Variants in AHCYL2 observed in about 807,000 individuals in gnomAD.
The protein encoded by AHCYL2 is S-adenosylhomocysteine hydrolase-like protein 2.
In AHCYL2, 28 loss-of-function variants were observed where a neutral mutation model predicts 81.4. That is an observed-to-expected ratio of 0.34 (90% CI 0.25 to 0.47). The LOEUF (loss-of-function observed/expected upper bound fraction) is 0.47. AHCYL2 is among the 20% of genes least tolerant of loss of function. The pLI is 1.00. For synonymous variants in AHCYL2, 272 were observed against 290.2 expected, an observed-to-expected ratio of 0.94 and a Z score of 0.64; for missense variants, 551 against 785.1, an observed-to-expected ratio of 0.70 and a Z score of 3.56.
chr7:129,345,646 A>T (rs915774627), intron 1 of AHCYL2, among the ~76,000 whole-genome samples: 2 of 152,214 alleles, frequency 1.3e-5, no homozygotes, highest in African/African-American at 4.8e-5. Context: ...GAGTCACATT[A>T]TCAAGATGGA....
intron 1 of AHCYL2, among the ~76,000 whole-genome samples, chr7:129,376,374 T>A (rs1178003570): frequency 6.6e-6 from 1 of 152,242 alleles, no homozygotes; most frequent in Non-Finnish European, 1.5e-5. Flanking sequence ...AAGTGGTTAA[T>A]CTCACTCTAA....
At position 129,340,451 on chromosome 7, in the gene AHCYL2, C is replaced by T. The variant is rs1439662317; in HGVS notation, c.364-39187C>T. Among the ~76,000 whole-genome samples the T allele has an allele frequency of 4.0e-5, 6 of 150,762 alleles. No homozygotes were observed. The South Asian group carries it at 1.3e-3, about 32-fold the overall frequency. ...GGCGTGGTGGCAGTTGCCTATAGTC[C>T]CAGCTACTCCGGAGGCTGAGGCAGG... On this transcript the variant is annotated intron_variant, in intron 1 of 16. Transcript: ENST00000325006.
chr7:129,326,404 A>G (rs931042262), intron 1 of AHCYL2, among the ~76,000 whole-genome samples: 3 of 151,966 alleles, frequency 2.0e-5, no homozygotes, highest in Non-Finnish European at 2.9e-5. Context: ...GCAGGCGCCT[A>G]TAATCCCAGC....
rs1480363574 is a variant in AHCYL2 at position 129,424,934 on chromosome 7, A to G, written c.1621A>G (p.Thr541Ala). 1 of 1,613,922 alleles carries G rather than the reference A, an allele frequency of 6.2e-7. No individual in the cohort carries two copies. The highest frequency in any genetic ancestry group is 1.1e-5 in the South Asian group (1 of 91,060). The change falls in exon 14 of 17, where the codon ACT becomes GCT. Residue 541 changes from threonine (T) to alanine (A), a missense_variant. Physicochemically the swap from Thr to Ala is moderately conservative, Grantham distance 58. Coordinates refer to ENST00000325006, the MANE Select transcript of AHCYL2 (RefSeq NM_015328.4). ...VPTFVLSITA[T>A]TQALALIELY... is the part of the protein sequence containing the mutation. ...TACATTTGTGCTCTCAATCACTGCT[A>G]CTACTCAGGTAAGGCTTCCAGAGTG...
chr7:129,226,344 C>G (rs1330512035), intron 1 of AHCYL2, among the ~76,000 whole-genome samples: 2 of 152,198 alleles, frequency 1.3e-5, no homozygotes, highest in East Asian at 3.8e-4. Context: ...GTCTGTCTCT[C>G]TCAAAGCTTG....
intron 1 of AHCYL2, among the ~76,000 whole-genome samples, chr7:129,306,000 C>A (rs1797428432): frequency 6.6e-6 from 1 of 152,144 alleles, no homozygotes; most frequent in South Asian, 2.1e-4. Context: ...TTTCTTTTCT[C>A]TTCCTGCTTT....
At chr7:129,370,883 T>C (rs934931565) in intron 1 of AHCYL2, among the ~76,000 whole-genome samples, 1 of 152,216 alleles carries the variant, frequency 6.6e-6, no homozygotes, top group African/African-American at 2.4e-5. Flanking sequence ...AATAACACGA[T>C]TGTCTCATTT....
At chr7:129,303,623 G>C (rs1360875691) in intron 1 of AHCYL2, among the ~76,000 whole-genome samples, 1 of 151,844 alleles carries the variant, frequency 6.6e-6, no homozygotes, top group Non-Finnish European at 1.5e-5. Flanking sequence ...TTGATATTTT[G>C]TATTGTTTTC....
chr7:129,281,142 C>A (rs569196815), intron 1 of AHCYL2, among the ~76,000 whole-genome samples: 1 of 152,146 alleles, frequency 6.6e-6, no homozygotes, highest in South Asian at 2.1e-4. Flanking sequence ...GGATTACAGG[C>A]ATGAGCCACC....
intron 1 of AHCYL2, among the ~76,000 whole-genome samples, chr7:129,344,670 C>T (rs145832513): frequency 9.2e-5 from 14 of 151,990 alleles, no homozygotes; most frequent in African/African-American, 3.1e-4. Context: ...AAGCAGGTGG[C>T]AGTATGTATA....
At chr7:129,281,114 T>C (rs980799733) in intron 1 of AHCYL2, among the ~76,000 whole-genome samples, 2 of 152,140 alleles carry the variant, frequency 1.3e-5, no homozygotes, top group East Asian at 3.9e-4. Flanking sequence ...CTGCCCACCT[T>C]GGCCTCCCAA....
At chr7:129,418,444 C>T (rs565870239) in intron 12 of AHCYL2, among the ~76,000 whole-genome samples, 5 of 152,152 alleles carry the variant, frequency 3.3e-5, no homozygotes, top group African/African-American at 4.8e-5. Flanking sequence ...GGACTACAGG[C>T]GCCCGCCACC....
At chr7:129,255,339 T>G (rs956144504) in intron 1 of AHCYL2, among the ~76,000 whole-genome samples, 4 of 152,210 alleles carry the variant, frequency 2.6e-5, no homozygotes, top group Non-Finnish European at 4.4e-5. Context: ...ATTAAAAAGT[T>G]ATTATTTTAA....
chr7:129,240,044 A>G (rs1434606067), intron 1 of AHCYL2, among the ~76,000 whole-genome samples: 1 of 152,014 alleles, frequency 6.6e-6, no homozygotes, highest in African/African-American at 2.4e-5. Flanking sequence ...ACCAACATGG[A>G]GAAACCCTGT....
At chr7:129,369,583 G>A (rs1794279457) in intron 1 of AHCYL2, among the ~76,000 whole-genome samples, 1 of 135,510 alleles carries the variant, frequency 7.4e-6, no homozygotes, top group African/African-American at 2.8e-5. Context: ...AATGGAGTCT[G>A]GCTCTGTTGT....
intron 1 of AHCYL2, among the ~76,000 whole-genome samples, chr7:129,302,252 T>C (rs996655048): frequency 6.6e-6 from 1 of 152,218 alleles, no homozygotes. Flanking sequence ...TCAGTTCTAA[T>C]AGGTTTTTGG....
At chr7:129,369,633 A>G (rs1184910185) in intron 1 of AHCYL2, among the ~76,000 whole-genome samples, 2 of 150,090 alleles carry the variant, frequency 1.3e-5, no homozygotes, top group South Asian at 2.1e-4. Flanking sequence ...GCTCACTGCA[A>G]CCTCCGCTTC....
intron 1 of AHCYL2, among the ~76,000 whole-genome samples, chr7:129,239,886 A>G (rs1369808760): frequency 6.6e-6 from 1 of 151,776 alleles, no homozygotes; most frequent in Non-Finnish European, 1.5e-5. Flanking sequence ...CCAAGCCTCT[A>G]CCCAGTCCCT....
At chr7:129,390,013 G>A (rs1455846622) in intron 4 of AHCYL2, among the ~76,000 whole-genome samples, 1 of 152,118 alleles carries the variant, frequency 6.6e-6, no homozygotes, top group Admixed American at 6.6e-5. Context: ...CTTGTCTGTG[G>A]GGGATAAGTT....
Sources: allele counts gnomAD v4.1 joint callset (sites outside exome capture counted in the v4.1 genomes callset), GRCh38; gene constraint gnomAD v4.1.1; transcripts MANE v1.5; gene names NCBI Gene and HGNC (gene_info 2026-07-23, HGNC 2026-07-21).